Variants in ABCA6 observed in about 807,000 individuals in gnomAD.
ABCA6 encodes the protein ATP binding cassette subfamily A member 6.
In ABCA6, 164 loss-of-function variants were observed where a neutral mutation model predicts 191.2. The ratio of observed to expected loss-of-function variants is 0.86; its 90% CI spans 0.76 to 0.98. ABCA6 has a LOEUF of 0.98. Ranked by LOEUF, ABCA6 falls within the 50% of genes least tolerant of loss-of-function variation. ABCA6 has a pLI of 0.00. For missense variants in ABCA6, 1,958 were observed against 1,894.1 expected (o/e 1.03, Z -0.63); for synonymous variants, 636 against 647.7 (o/e 0.98, Z 0.27).
chr17:69,110,631 A>C, intron 17 of ABCA6, 170 bp downstream of exon 17: 1 of 704,822 alleles, frequency 1.4e-6, no homozygotes, highest in South Asian at 2.1e-5. Context: ...TGCTTCCACG[A>C]AGCAACTACC....
Position 69,110,815 on chromosome 17 carries a change from G to T in ABCA6, c.2258C>A (p.Thr753Lys). 6.2e-7 allele frequency: 1 copy of T among 1,607,582 alleles called. No individual in the cohort carries two copies. Among genetic ancestry groups the T allele is most frequent in the Admixed American group, 1.7e-5 (1 of 58,966 alleles). ...AGTTGAGTTACCTGGAAATGTATTT[G>T]TCCTTTCCAGTGGCAAAGTATATAC... ...KLVYTLPLER[T>K]NTFPDLFSDL... Residue 753 changes from threonine to lysine, a missense_variant, in exon 17 of 39, where the codon ACA becomes AAA. Transcript: ENST00000284425.
intron 10 of ABCA6, among the ~76,000 whole-genome samples, chr17:69,122,943 CATAGGTGGGA>C (rs1324523381): frequency 6.9e-6 from 1 of 144,432 alleles, no homozygotes; most frequent in East Asian, 2.1e-4. Flanking sequence ...TGTTCTCACT[CATAGGTGGGA>C]ATTGAACAAT....
intron 6 of ABCA6, among the ~76,000 whole-genome samples, 191 bp downstream of exon 6, chr17:69,133,450 A>G (rs561185595): frequency 8.5e-5 from 13 of 152,342 alleles, no homozygotes; most frequent in African/African-American, 3.1e-4. Flanking sequence ...ACGGCACAGA[A>G]AAAGTGCTCA....
intron 2 of ABCA6, 69 bp downstream of exon 2, chr17:69,140,539 A>C: frequency 2.3e-6 from 2 of 864,766 alleles, no homozygotes; most frequent in Non-Finnish European, 3.5e-6. Flanking sequence ...AGAGAACATA[A>C]GAGAATCAGT....
At chr17:69,107,672 T>C in intron 18 of ABCA6, 24 bp downstream of exon 18, 1 of 1,465,064 alleles carries the variant, frequency 6.8e-7, no homozygotes, top group Non-Finnish European at 9.4e-7. Context: ...ATTGGTTTTC[T>C]GTGAATTATA....
chr17:69,103,830 T>C (rs2073232765), intron 20 of ABCA6: 1 of 150,352 alleles, frequency 6.7e-6, no homozygotes, highest in African/African-American at 2.5e-5. Context: ...AGACCTTATC[T>C]GAGGAGCACA....
intron 8 of ABCA6, among the ~76,000 whole-genome samples, chr17:69,125,288 T>C (rs575146195): frequency 1.3e-5 from 2 of 151,946 alleles, no homozygotes; most frequent in South Asian, 4.1e-4. Context: ...TTCATTTGTT[T>C]GTTTTCAGAA....
rs200522341 is a variant in ABCA6, at chr17:69,107,784, A to G, written c.2301T>C (p.Ser767=). 12 of 1,611,724 alleles carry G rather than the reference A, an allele frequency of 7.4e-6. No individual in the cohort carries two copies. In the African/African-American group the frequency reaches 1.6e-4, roughly 22 times the overall value. The change falls in exon 18 of 39, where the codon TCT becomes TCC. Residue 767 remains serine (S), a synonymous_variant. Transcript: ENST00000284425. ...TGTCATAACCTGTCACTCCCTGGTCAGAACACTTATCCAGATCACTGAAAA... is the reference window on the plus strand; with the variant it reads ...TGTCATAACCTGTCACTCCCTGGTCGGAACACTTATCCAGATCACTGAAAA... The part of the protein sequence containing the change: ...PDLFSDLDKC[S]DQGVTGYDIS...
intron 25 of ABCA6, among the ~76,000 whole-genome samples, chr17:69,092,610 G>A (rs2072951048): frequency 6.6e-6 from 1 of 152,158 alleles, no homozygotes; most frequent in South Asian, 2.1e-4. Context: ...CAGGGGTCTA[G>A]GGTACCAGTA....
At chr17:69,125,273 T>G (rs2073729620) in intron 8 of ABCA6, among the ~76,000 whole-genome samples, 1 of 151,774 alleles carries the variant, frequency 6.6e-6, no homozygotes. Context: ...TAATTTAAAT[T>G]ATAATTCATT....
chr17:69,141,023 T>G (rs972379147), intron 1 of ABCA6, among the ~76,000 whole-genome samples: 1 of 152,040 alleles, frequency 6.6e-6, no homozygotes, highest in Non-Finnish European at 1.5e-5. Flanking sequence ...ATTTTTGGCC[T>G]TGTATGAGAG....
chr17:69,129,063 G>C (rs963570601), intron 7 of ABCA6, among the ~76,000 whole-genome samples: 1 of 152,132 alleles, frequency 6.6e-6, no homozygotes, highest in Non-Finnish European at 1.5e-5. Flanking sequence ...GCTGAGGATA[G>C]GGTAGAAATG....
intron 21 of ABCA6, 26 bp from the exon 22 acceptor site, chr17:69,100,960 G>A (rs2073167387): frequency 1.3e-6 from 2 of 1,541,340 alleles, no homozygotes; most frequent in Admixed American, 1.9e-5. Flanking sequence ...AATAAATAAT[G>A]TTAATGCTAA....
At chr17:69,138,651 C>T (rs2073984674) in intron 2 of ABCA6, among the ~76,000 whole-genome samples, 1 of 151,074 alleles carries the variant, frequency 6.6e-6, no homozygotes, top group African/African-American at 2.4e-5. Context: ...AATCCTAAGC[C>T]AAAAGAACAA....
chr17:69,084,243 G>T lies in ABCA6; in HGVS notation c.4355+18C>A. 1 of 1,611,958 alleles carries T rather than the reference G, an allele frequency of 6.2e-7. No individual in the cohort carries two copies. Among genetic ancestry groups the T allele is most frequent in the African/African-American group, 1.3e-5 (1 of 74,996 alleles). ...CCTAATGTGCATGCTCGCAGCTCTG[G>T]GGTATAATGATGCTCACCACATTTG... On this transcript the variant is annotated intron_variant, in intron 34 of 38. Coordinates refer to ENST00000284425, the MANE Select transcript of ABCA6 (RefSeq NM_080284.3).
intron 21 of ABCA6, among the ~76,000 whole-genome samples, chr17:69,101,636 T>C (rs755542889): frequency 2.0e-5 from 3 of 151,070 alleles, no homozygotes; most frequent in Non-Finnish European, 2.9e-5. Flanking sequence ...AAAGGAATGC[T>C]GGCCTTCTGG....
intron 28 of ABCA6, 110 bp from the exon 29 acceptor site, chr17:69,087,583 G>A: frequency 7.4e-7 from 1 of 1,360,258 alleles, no homozygotes; most frequent in Non-Finnish European, 1.0e-6. Flanking sequence ...ATGTGCAGGT[G>A]ATGATGTGAT....
At chr17:69,084,151 C>T (rs760421041) in intron 34 of ABCA6, 110 bp downstream of exon 34, 1 of 880,546 alleles carries the variant, frequency 1.1e-6, no homozygotes, top group Non-Finnish European at 1.8e-6. Flanking sequence ...TAAATTATTT[C>T]CACTGAATCA....
chr17:69,135,752 T>C, intron 4 of ABCA6: 1 of 398,592 alleles, frequency 2.5e-6, no homozygotes. Flanking sequence ...TAAGTGCCCA[T>C]GAAACACTTT....
Sources: allele counts gnomAD v4.1 joint callset (sites outside exome capture counted in the v4.1 genomes callset), GRCh38; gene constraint gnomAD v4.1.1; transcripts MANE v1.5; gene names NCBI Gene and HGNC (gene_info 2026-07-23, HGNC 2026-07-21).